Variants in LEKR1 observed in about 807,000 individuals in gnomAD.
LEKR1 encodes protein LEKR1.
LEKR1 carries 59 observed loss-of-function variants against 72.4 expected under a neutral mutation model. That is an observed-to-expected ratio of 0.82 (90% confidence interval 0.66 to 1.01). The LOEUF (loss-of-function observed/expected upper bound fraction) is 1.01. LEKR1 is among the 50% of genes least tolerant of loss of function. The pLI, the probability that LEKR1 is intolerant of heterozygous loss-of-function variation, is 0.00. For synonymous variants in LEKR1, 257 were observed against 263.2 expected (o/e 0.98, Z 0.23); for missense variants, 728 against 759.2 (o/e 0.96, Z 0.48).
At chr3:156,851,041 T>C (rs143437074) in intron 2 of LEKR1, 21 of 152,272 alleles carry the variant, frequency 1.4e-4, no homozygotes, top group African/African-American at 5.1e-4. Flanking sequence ...TAATGAGATA[T>C]TAGAATGAGA....
chr3:157,026,025 G>A (rs760374006), intron 11 of LEKR1, among the ~76,000 whole-genome samples: 1 of 151,804 alleles, frequency 6.6e-6, no homozygotes, highest in Non-Finnish European at 1.5e-5. Context: ...ACTCCAGACT[G>A]GGCAACAAAG....
intron 3 of LEKR1, among the ~76,000 whole-genome samples, chr3:156,884,894 T>C (rs1719888756): frequency 6.6e-6 from 1 of 152,120 alleles, no homozygotes; most frequent in Non-Finnish European, 1.5e-5. Context: ...TTTGATTTCT[T>C]TTCTTCCTCA....
chr3:157,006,331 A>C (rs979404600), intron 9 of LEKR1, among the ~76,000 whole-genome samples: 3 of 152,332 alleles, frequency 2.0e-5, no homozygotes, highest in South Asian at 4.1e-4. Flanking sequence ...AGAACATGTA[A>C]AAACTTAAAA....
Position 157,028,291 on chromosome 3 carries a change from T to C in LEKR1, c.1557T>C (p.Asp519=), listed in dbSNP as rs1734352200. 3 of 1,613,388 alleles carry C rather than the reference T, an allele frequency of 1.9e-6. No homozygotes were observed. Among genetic ancestry groups the C allele is most frequent in the Middle Eastern group, 1.6e-4 (1 of 6,062 alleles). The change falls in exon 12 of 13, where the codon GAT becomes GAC. Residue 519 remains aspartate (D), a synonymous_variant. Coordinates refer to ENST00000356539, the MANE Select transcript of LEKR1 (RefSeq NM_001004316.3). ...TGAAGAAGGAAATTGACAGTAATGA[T>C]TCAGTTTCAGAAAACTTGAGGAAGG... is the stretch of plus-strand genomic sequence containing the variant. ...SRLKKEIDSN[D]SVSENLRKEM...
chr3:156,931,915 T>C (rs1725261926), intron 5 of LEKR1, among the ~76,000 whole-genome samples: 1 of 152,172 alleles, frequency 6.6e-6, no homozygotes, highest in Admixed American at 6.5e-5. Context: ...TATTACATAG[T>C]GGATGCATTT....
chr3:156,946,539 T>A (rs1216906671), intron 6 of LEKR1, among the ~76,000 whole-genome samples: 3 of 151,368 alleles, frequency 2.0e-5, no homozygotes, highest in African/African-American at 7.3e-5. Flanking sequence ...GAAAGGCTTT[T>A]AATTTTTCCC....
intron 10 of LEKR1, among the ~76,000 whole-genome samples, chr3:157,018,752 C>T (rs1159028508): frequency 2.0e-5 from 3 of 152,234 alleles, no homozygotes; most frequent in East Asian, 1.9e-4. Flanking sequence ...ATCTCTTAAT[C>T]GAGACAGTGG....
chr3:156,885,695 G>A (rs1397193978), intron 3 of LEKR1, among the ~76,000 whole-genome samples: 2 of 152,256 alleles, frequency 1.3e-5, no homozygotes, highest in Non-Finnish European at 2.9e-5. Context: ...GACCCTATGA[G>A]AGTTCGTGAT....
intron 5 of LEKR1, among the ~76,000 whole-genome samples, chr3:156,936,467 C>CCCA (rs1725725697): frequency 1.4e-5 from 1 of 70,054 alleles, no homozygotes; most frequent in Non-Finnish European, 4.4e-5. Context: ...ACACACACAC[C>CCCA]CCCCGTATGC....
At chr3:157,039,233 A>G (rs1476443018) in intron 12 of LEKR1, among the ~76,000 whole-genome samples, 2 of 152,244 alleles carry the variant, frequency 1.3e-5, no homozygotes. Flanking sequence ...AAACATTGGC[A>G]TCATGGGTTA....
At chr3:157,033,698 A>G (rs1734776563) in intron 12 of LEKR1, among the ~76,000 whole-genome samples, 1 of 152,204 alleles carries the variant, frequency 6.6e-6, no homozygotes, top group Non-Finnish European at 1.5e-5. Flanking sequence ...AAGATCATTT[A>G]TGAGGTAGCT....
At chr3:156,959,231 T>G (rs1727906622) in intron 6 of LEKR1, among the ~76,000 whole-genome samples, 1 of 152,180 alleles carries the variant, frequency 6.6e-6, no homozygotes, top group Non-Finnish European at 1.5e-5. Context: ...AAGGGCAGAC[T>G]GATACACCAC....
chr3:156,996,797 G>T (rs574719750), intron 9 of LEKR1, among the ~76,000 whole-genome samples: 5 of 152,294 alleles, frequency 3.3e-5, no homozygotes, highest in Admixed American at 1.3e-4. Context: ...GGGCATGGTG[G>T]TTCATGCCTG....
intron 3 of LEKR1, among the ~76,000 whole-genome samples, chr3:156,889,662 G>A (rs958493086): frequency 1.3e-5 from 2 of 152,076 alleles, no homozygotes; most frequent in African/African-American, 4.8e-5. Flanking sequence ...TATGTGTAAA[G>A]TTAATCTCCT....
At chr3:156,952,365 C>A (rs1173637678) in intron 6 of LEKR1, among the ~76,000 whole-genome samples, 1 of 151,364 alleles carries the variant, frequency 6.6e-6, no homozygotes, top group Non-Finnish European at 1.5e-5. Flanking sequence ...TTAATGCTGA[C>A]AATATAAATA....
At chr3:157,036,109 TGAA>T (rs1734953086) in intron 12 of LEKR1, among the ~76,000 whole-genome samples, 1 of 152,062 alleles carries the variant, frequency 6.6e-6, no homozygotes, top group Non-Finnish European at 1.5e-5. Flanking sequence ...ATCTCTAATG[TGAA>T]GAACAGAAAC....
At chr3:156,875,994 A>G (rs1412735951) in intron 3 of LEKR1, among the ~76,000 whole-genome samples, 1 of 19,816 alleles carries the variant, frequency 5.0e-5, no homozygotes, top group Non-Finnish European at 1.2e-4. Context: ...CTCCATCTCA[A>G]AAAAAAAAAA....
intron 3 of LEKR1, among the ~76,000 whole-genome samples, chr3:156,911,735 C>G (rs1375907318): frequency 6.6e-6 from 1 of 152,026 alleles, no homozygotes; most frequent in Non-Finnish European, 1.5e-5. Flanking sequence ...AGCCAGTTAT[C>G]TCAGCACTAT....
At chr3:156,888,374 A>G in intron 3 of LEKR1, 1 of 702,360 alleles carries the variant, frequency 1.4e-6, no homozygotes, top group Admixed American at 2.0e-5. Flanking sequence ...GATCTACAAC[A>G]TTCTGTCACT....
Sources: gnomAD v4.1 joint callset for allele counts (sites outside exome capture counted in the v4.1 genomes callset) on GRCh38, gnomAD v4.1.1 for gene constraint, MANE v1.5 for transcripts, NCBI Gene and HGNC (gene_info 2026-07-23, HGNC 2026-07-21) for gene names.